The following PARVB variants were observed in gnomAD, a reference collection of about 807,000 sequenced individuals.
PARVB encodes the protein beta-parvin.
PARVB carries 46 observed loss-of-function variants against 47.0 expected under a neutral mutation model. The ratio of observed to expected loss-of-function variants is 0.98; its 90% CI spans 0.77 to 1.25. The LOEUF is 1.25. Ranked by LOEUF, PARVB falls within the 50% of genes most tolerant of loss-of-function variation. PARVB has a pLI of 0.00. For missense variants in PARVB, 473 were observed against 471.6 expected (o/e 1.00, Z -0.03); for synonymous variants, 196 against 196.3 (o/e 1.00, Z 0.01).
At chr22:44,093,067 A>G (rs2052210878) in intron 1 of PARVB, among the ~76,000 whole-genome samples, 1 of 152,324 alleles carries the variant, frequency 6.6e-6, no homozygotes, top group South Asian at 2.1e-4. Context: ...ACCCGGCACC[A>G]TGGATGCATC....
chr22:44,045,661 T>C (rs963150146), intron 1 of PARVB, among the ~76,000 whole-genome samples: 2 of 152,196 alleles, frequency 1.3e-5, no homozygotes, highest in Non-Finnish European at 2.9e-5. Context: ...CACTCTTGTC[T>C]CCATCTTGTT....
At position 44,068,142 on chromosome 22, in the gene PARVB, A is replaced by G. The variant is rs1287513881; in HGVS notation, c.113-25786A>G. On this transcript the variant is annotated intron_variant, in intron 1 of 12. Transcript: ENST00000338758. This position sits in a 1 kb window ranked among gnomAD's most constrained non-coding sequence, Gnocchi z 4.1. ...TGTCAGTTAATCGAGCAACACCTCC[A>G]GGAAGCCAGCCTCAGGAAAGAGCTT... is the stretch of plus-strand genomic sequence containing the variant. Among the ~76,000 whole-genome samples the G allele has an allele frequency of 3.9e-5, 6 of 152,168 alleles. No homozygotes were observed. Among genetic ancestry groups the G allele is most frequent in the Non-Finnish European group, 7.4e-5 (5 of 68,026 alleles).
intron 5 of PARVB, 55 bp from the exon 6 acceptor site, chr22:44,132,839 T>C (rs200752451): frequency 2.0e-5 from 24 of 1,228,614 alleles, no homozygotes; most frequent in Admixed American, 1.6e-4. Context: ...GCACGTGGGC[T>C]CAGGTTCCTG....
rs1477702788 is a variant in PARVB at position 44,024,412 on chromosome 22, C to T, written c.73C>T (p.Leu25=). 5 of 1,252,320 alleles carry T rather than the reference C, an allele frequency of 4.0e-6. No homozygotes were observed. In the South Asian group the frequency reaches 6.3e-5, roughly 16 times the overall value. 77.6% of individuals were successfully genotyped at this position (1,252,320 alleles called of 1,614,324 possible). A position where few individuals can be genotyped will look rare whatever the true frequency, so the allele number is the denominator to read the frequency against. ...MKKDESFLGK[L]GGTLARKRRA... ...GAAGGACGAGTCGTTCCTGGGCAAGCTGGGCGGCACCCTGGCCAGGAAGCG... is the reference window on the plus strand; with the variant it reads ...GAAGGACGAGTCGTTCCTGGGCAAGTTGGGCGGCACCCTGGCCAGGAAGCG... The change falls in exon 1 of 13, where the codon CTG becomes TTG. Residue 25 remains leucine, a synonymous_variant. Coordinates refer to ENST00000338758, the MANE Select transcript of PARVB (RefSeq NM_013327.5).
intron 2 of PARVB, among the ~76,000 whole-genome samples, chr22:44,000,401 A>T (rs1344436600): frequency 6.6e-6 from 1 of 152,230 alleles, no homozygotes; most frequent in African/African-American, 2.4e-5. Flanking sequence ...CACTGTGAAT[A>T]TGAGGCACAG....
intron 8 of PARVB, chr22:44,143,180 T>G (rs2053592275): frequency 6.5e-6 from 1 of 152,702 alleles, no homozygotes; most frequent in Non-Finnish European, 1.5e-5. Context: ...CCACTGGCTC[T>G]CCTCCCCACC....
chr22:44,151,722 C>T (rs553184677), intron 10 of PARVB, 171 bp downstream of exon 10: 15 of 586,948 alleles, frequency 2.6e-5, no homozygotes, highest in African/African-American at 2.2e-4. Flanking sequence ...CCTCTGTCTT[C>T]CTTTCCTGGG....
intron 1 of PARVB, among the ~76,000 whole-genome samples, chr22:44,037,587 C>G (rs553595851): frequency 6.6e-6 from 1 of 152,178 alleles, no homozygotes; most frequent in African/African-American, 2.4e-5. Flanking sequence ...TGTGGTTATT[C>G]CCATTTTGCA....
At chr22:44,152,596 T>C (rs1351565818) in intron 10 of PARVB, 1 of 152,220 alleles carries the variant, frequency 6.6e-6, no homozygotes, top group African/African-American at 2.4e-5. Flanking sequence ...GGCCAGGACC[T>C]AGCAAATGTC....
intron 8 of PARVB, chr22:44,146,290 ACCT>A (rs1555911136): frequency 7.0e-6 from 1 of 142,308 alleles, no homozygotes; most frequent in South Asian, 2.3e-4. Context: ...TTCACACACA[ACCT>A]CACACGCACA....
At chr22:44,016,326 G>C (rs1265678251) in intron 2 of PARVB, among the ~76,000 whole-genome samples, 2 of 152,014 alleles carry the variant, frequency 1.3e-5, no homozygotes, top group East Asian at 1.9e-4. Flanking sequence ...TCGATCTCCT[G>C]ACTTCGTGAT....
chr22:44,133,022 G>T lies in PARVB; in HGVS notation c.633+13G>T, dbSNP rs778263138. On this transcript the variant is annotated intron_variant, in intron 6 of 12. Coordinates refer to ENST00000338758, the MANE Select transcript of PARVB (RefSeq NM_013327.5). ...GGTGGTCGTGCGGGTGAGTATAACC[G>T]AGTGGTCGGCCTGCCTGTAACTCCG... is the stretch of plus-strand genomic sequence containing the variant. The T allele has an allele frequency of 3.8e-6, 6 of 1,588,556 alleles. No homozygotes were observed. The highest frequency in any genetic ancestry group is 4.3e-6 in the Non-Finnish European group (5 of 1,162,090).
intron 1 of PARVB, among the ~76,000 whole-genome samples, chr22:44,078,106 A>G (rs570612150): frequency 3.3e-5 from 5 of 152,284 alleles, no homozygotes; most frequent in African/African-American, 1.2e-4. Context: ...TTGGAGCCCC[A>G]AGCTCACAGC....
chr22:44,097,378 CTCTAGGCCGCGTG>C (rs997995504), intron 2 of PARVB, among the ~76,000 whole-genome samples: 20 of 152,210 alleles, frequency 1.3e-4, no homozygotes, highest in Non-Finnish European at 2.5e-4. Context: ...AATTGCTCCC[CTCTAGGCCGCGTG>C]AGCAGCCCGT....
At chr22:44,065,549 T>G (rs944722702) in intron 1 of PARVB, among the ~76,000 whole-genome samples, 8 of 152,150 alleles carry the variant, frequency 5.3e-5, no homozygotes, top group African/African-American at 1.7e-4. Flanking sequence ...TAGTGGTGAT[T>G]TGTGAGATTT....
chr22:44,058,049 G>T (rs2051348574), intron 1 of PARVB, among the ~76,000 whole-genome samples: 1 of 152,188 alleles, frequency 6.6e-6, no homozygotes, highest in Non-Finnish European at 1.5e-5. Context: ...GTGGAGGAAA[G>T]GAAGGCACCT....
chr22:44,079,709 C>G (rs1382020144), intron 1 of PARVB, among the ~76,000 whole-genome samples: 1 of 152,192 alleles, frequency 6.6e-6, no homozygotes, highest in Admixed American at 6.5e-5. Flanking sequence ...GGGTGGATCA[C>G]TTGAGGTCAG....
chr22:44,084,589 C>T (rs1237719318), intron 1 of PARVB, among the ~76,000 whole-genome samples: 2 of 152,184 alleles, frequency 1.3e-5, no homozygotes, highest in Admixed American at 6.5e-5. Flanking sequence ...CTTTCCGCTG[C>T]GTTCTTGGCA....
chr22:44,149,428 T>G (rs1007690560), intron 9 of PARVB: 2 of 152,186 alleles, frequency 1.3e-5, no homozygotes, highest in Admixed American at 6.5e-5. Context: ...CAGAATGAAG[T>G]CAGGGGCCCC....
Sources: gnomAD v4.1 joint callset for allele counts (sites outside exome capture counted in the v4.1 genomes callset) on GRCh38, gnomAD v4.1.1 for gene constraint, Gnocchi (gnomAD v3.1) non-coding constraint, MANE v1.5 for transcripts, NCBI Gene and HGNC (gene_info 2026-07-23, HGNC 2026-07-21) for gene names.